CARS1: variants seen among roughly 807,000 people sequenced by gnomAD.
CARS1 encodes the protein cysteine--tRNA ligase, cytoplasmic.
In CARS1, 48 loss-of-function variants were observed where a neutral mutation model predicts 106.2. That is an observed-to-expected ratio of 0.45 (90% CI 0.36 to 0.57). CARS1 has a LOEUF of 0.57. CARS1 is among the 20% of genes least tolerant of loss of function. The pLI, the probability that CARS1 is intolerant of heterozygous loss-of-function variation, is 0.00. For synonymous variants in CARS1, 409 were observed against 403.4 expected (o/e 1.01, Z -0.17); for missense variants, 968 against 1,057.2 (o/e 0.92, Z 1.17).
intron 12 of CARS1, among the ~76,000 whole-genome samples, 166 bp downstream of exon 12, chr11:3,018,973 C>T (rs192496256): frequency 9.8e-5 from 15 of 152,314 alleles, no homozygotes; most frequent in African/African-American, 3.6e-4. Context: ...GCTGTCAATG[C>T]GGAAACCACA....
At chr11:3,018,379 CA>C in intron 14 of CARS1, 28 bp downstream of exon 14, 1 of 1,526,058 alleles carries the variant, frequency 6.6e-7, no homozygotes, top group Non-Finnish European at 9.1e-7. Context: ...GCTGCTCCAC[CA>C]ACCTCCAGGA....
At chr11:3,025,767 A>C (rs1301355634) in intron 10 of CARS1, among the ~76,000 whole-genome samples, 1 of 152,232 alleles carries the variant, frequency 6.6e-6, no homozygotes, top group Admixed American at 6.5e-5. Flanking sequence ...AGGGTTCCCA[A>C]TATAATTCTG....
intron 1 of CARS1, chr11:3,054,914 G>A (rs539914522): frequency 1.3e-5 from 9 of 702,634 alleles, no homozygotes; most frequent in Middle Eastern, 2.3e-4. Context: ...CCAAGTCTGT[G>A]CGGAAAGGCC....
chr11:3,039,495 A>C lies in CARS1; in HGVS notation c.553-203T>G, dbSNP rs451041. 6.6e-6 allele frequency among the ~76,000 whole-genome samples: 1 copy of C among 151,916 alleles called. No individual in the cohort carries two copies. The highest frequency in any genetic ancestry group is 1.5e-5 in the Non-Finnish European group (1 of 67,970). On this transcript the variant is annotated intron_variant, in intron 5 of 22. Transcript: ENST00000380525. This position sits in a 1 kb window ranked among gnomAD's most constrained non-coding sequence, Gnocchi z 5.6. Reference sequence around the variant, plus strand: ...TGCCAAGTAGTGCCCAAGGCCTAACATGATCTTTCTGACGCTTAATGAAAT... The same window carrying C: ...TGCCAAGTAGTGCCCAAGGCCTAACCTGATCTTTCTGACGCTTAATGAAAT...
intron 19 of CARS1, among the ~76,000 whole-genome samples, chr11:3,006,195 T>C: frequency 6.6e-6 from 1 of 152,224 alleles, no homozygotes; most frequent in Middle Eastern, 3.2e-3. Context: ...ATGTGGCTCA[T>C]GCCACTTTAG....
Position 3,029,449 on chromosome 11 carries a change from G to A in CARS1, c.802-6C>T, listed in dbSNP as rs1199456915. ...TTGGCTTCTTCCAGCAACACCTGAA[G>A]AGAAAGAAACAAAAATCCAGCAGCG... is the stretch of plus-strand genomic sequence containing the variant. On this transcript the variant is annotated splice_polypyrimidine_tract_variant and splice_region_variant and intron_variant, in intron 7 of 22. Coordinates refer to ENST00000380525, the MANE Select transcript of CARS1 (RefSeq NM_001014437.3). The surrounding 1 kb of genome is among the most constrained non-coding windows in gnomAD (Gnocchi z 5.9). 2 of 1,613,214 alleles carry A rather than the reference G, an allele frequency of 1.2e-6. No homozygotes were observed. The highest frequency in any genetic ancestry group is 1.7e-6 in the Non-Finnish European group (2 of 1,179,776).
chr11:3,055,417 A>G (rs1281897466), intron 1 of CARS1, among the ~76,000 whole-genome samples: 1 of 152,220 alleles, frequency 6.6e-6, no homozygotes, highest in African/African-American at 2.4e-5. Context: ...CTGGGATTAC[A>G]GGTGTGAGCC....
chr11:3,026,920 T>G, intron 9 of CARS1, 123 bp from the exon 10 acceptor site: 2 of 1,062,238 alleles, frequency 1.9e-6, no homozygotes, highest in East Asian at 2.5e-5. Context: ...ATCTACTCTC[T>G]GTGGTGGCCA....
Position 3,017,327 on chromosome 11 carries a change from A to G in CARS1, c.1728-32T>C, listed in dbSNP as rs2134140926. On this transcript the variant is annotated intron_variant, in intron 15 of 22. Coordinates refer to ENST00000380525, the MANE Select transcript of CARS1 (RefSeq NM_001014437.3). This position sits in a 1 kb window ranked among gnomAD's most constrained non-coding sequence, Gnocchi z 4.9. Reference sequence around the variant, plus strand: ...AACAAAGAGGAAGGAATGTGAAGTCAGACCTGAAAACACACCATAGAAATT... The same window carrying G: ...AACAAAGAGGAAGGAATGTGAAGTCGGACCTGAAAACACACCATAGAAATT... 6.3e-7 allele frequency: 1 copy of G among 1,594,086 alleles called. No individual in the cohort carries two copies.
chr11:3,014,208 G>A (rs1850770227), intron 17 of CARS1, among the ~76,000 whole-genome samples: 1 of 152,224 alleles, frequency 6.6e-6, no homozygotes, highest in Non-Finnish European at 1.5e-5. Flanking sequence ...AATGGCTGCA[G>A]GGGTGTGTCT....
At chr11:3,012,093 A>C in intron 18 of CARS1, 102 bp downstream of exon 18, 1 of 1,077,272 alleles carries the variant, frequency 9.3e-7, no homozygotes, top group African/African-American at 1.5e-5. Flanking sequence ...TTCCCAGAGG[A>C]TGATCCGGCC....
At chr11:3,018,791 C>T in intron 12 of CARS1, 42 bp from the exon 13 acceptor site, 4 of 1,592,582 alleles carry the variant, frequency 2.5e-6, no homozygotes, top group Non-Finnish European at 3.4e-6. Context: ...TCATGTGTTA[C>T]TGGGGCCGCC....
intron 17 of CARS1, among the ~76,000 whole-genome samples, chr11:3,013,255 C>T (rs577522737): frequency 3.3e-5 from 5 of 152,032 alleles, no homozygotes; most frequent in South Asian, 2.1e-4. Flanking sequence ...CAGGTTCAAG[C>T]GATTCTCCTG....
rs1057214662 is a variant in CARS1 at position 3,050,915 on chromosome 11, A to G, written c.26-2914T>C. Among the ~76,000 whole-genome samples, 6 of 152,124 alleles carry G rather than the reference A, an allele frequency of 3.9e-5. No individual in the cohort carries two copies. Among genetic ancestry groups the G allele is most frequent in the Non-Finnish European group, 5.9e-5 (4 of 68,024 alleles). ...ATTTCTTTCCTTCACCATCTGCCCC[A>G]CCGCTCCATCTACCTTATTCACTGC... On this transcript the variant is annotated intron_variant, in intron 1 of 22. Coordinates refer to ENST00000380525, the MANE Select transcript of CARS1 (RefSeq NM_001014437.3). This position sits in a 1 kb window ranked among gnomAD's most constrained non-coding sequence, Gnocchi z 6.3.
intron 16 of CARS1, among the ~76,000 whole-genome samples, chr11:3,016,106 G>A (rs1449588244): frequency 6.6e-6 from 1 of 152,178 alleles, no homozygotes; most frequent in Non-Finnish European, 1.5e-5. Flanking sequence ...AAGGAAAGAG[G>A]AGGAGAGGGG....
At chr11:3,054,286 A>T (rs1037874505) in intron 1 of CARS1, among the ~76,000 whole-genome samples, 1 of 152,066 alleles carries the variant, frequency 6.6e-6, no homozygotes, top group Admixed American at 6.5e-5. Flanking sequence ...CCTTACTGGG[A>T]GGGAGGTTAT....
chr11:3,051,374 A>G (rs1162429749), intron 1 of CARS1, among the ~76,000 whole-genome samples: 1 of 152,180 alleles, frequency 6.6e-6, no homozygotes, highest in Non-Finnish European at 1.5e-5. Flanking sequence ...GTCAGCACTG[A>G]CACTGCCGGG....
At chr11:3,012,159 G>A (rs367814896) in intron 18 of CARS1, 36 bp downstream of exon 18, 5 of 1,569,304 alleles carry the variant, frequency 3.2e-6, no homozygotes, top group Non-Finnish European at 4.4e-6. Flanking sequence ...AGTGAGGGGA[G>A]TGGCTCCCAC....
At chr11:3,024,913 G>A (rs1851903793) in intron 10 of CARS1, among the ~76,000 whole-genome samples, 1 of 152,204 alleles carries the variant, frequency 6.6e-6, no homozygotes, top group Non-Finnish European at 1.5e-5. Context: ...ATTCCTGAGT[G>A]CAAAGTTCCC....
Sources: gnomAD v4.1 joint callset for allele counts (sites outside exome capture counted in the v4.1 genomes callset) on GRCh38, gnomAD v4.1.1 for gene constraint, Gnocchi (gnomAD v3.1) non-coding constraint, MANE v1.5 for transcripts, NCBI Gene and HGNC (gene_info 2026-07-23, HGNC 2026-07-21) for gene names.